The following MLF1 variants were observed in gnomAD, a reference collection of about 807,000 sequenced individuals.
MLF1 encodes myeloid leukemia factor 1.
In MLF1, 37 loss-of-function variants were observed where a neutral mutation model predicts 38.3. The ratio of observed to expected loss-of-function variants is 0.96; its 90% CI spans 0.74 to 1.27. The LOEUF (loss-of-function observed/expected upper bound fraction) is 1.27, where lower values mean the gene tolerates loss of function less well. Among genes scored for constraint, MLF1 ranks in the 50% most tolerant of loss-of-function variants. The pLI is 0.00. For synonymous variants in MLF1, 95 were observed against 106.5 expected (o/e 0.89, Z 0.66); for missense variants, 331 against 349.2 (o/e 0.95, Z 0.42).
chr3:158,587,812 A>G (rs1717461774), intron 1 of MLF1, among the ~76,000 whole-genome samples: 1 of 152,196 alleles, frequency 6.6e-6, no homozygotes, highest in South Asian at 2.1e-4. Context: ...CATCCTGGCT[A>G]ACACAGTGAA....
intron 6 of MLF1, among the ~76,000 whole-genome samples, chr3:158,601,652 G>T (rs1719773026): frequency 6.6e-6 from 1 of 151,930 alleles, no homozygotes; most frequent in Non-Finnish European, 1.5e-5. Flanking sequence ...AGCTACTTGG[G>T]AGGCTGAGAC....
chr3:158,577,763 G>A (rs1200457541), intron 1 of MLF1, among the ~76,000 whole-genome samples: 2 of 152,114 alleles, frequency 1.3e-5, no homozygotes, highest in East Asian at 1.9e-4. Flanking sequence ...TGGTTGCTGG[G>A]TCAAAAATGC....
At chr3:158,604,868 A>T (rs750415433) in intron 7 of MLF1, among the ~76,000 whole-genome samples, 10 of 152,172 alleles carry the variant, frequency 6.6e-5, no homozygotes, top group Non-Finnish European at 1.3e-4. Context: ...CATGTTGGCC[A>T]GGATGGTCTC....
chr3:158,598,340 G>A (rs1193764419), intron 5 of MLF1, 132 bp downstream of exon 5: 7 of 867,272 alleles, frequency 8.1e-6, no homozygotes, highest in Non-Finnish European at 1.2e-5. Context: ...GTGGGGGTTG[G>A]GGGTAAGGTA....
At chr3:158,575,626 C>T (rs151331868) in intron 1 of MLF1, among the ~76,000 whole-genome samples, 5 of 152,248 alleles carry the variant, frequency 3.3e-5, no homozygotes, top group African/African-American at 7.2e-5. Flanking sequence ...ATAGCTCATG[C>T]CCACTCTCTT....
At chr3:158,587,687 C>G (rs1158558294) in intron 1 of MLF1, among the ~76,000 whole-genome samples, 1 of 152,286 alleles carries the variant, frequency 6.6e-6, no homozygotes, top group Admixed American at 6.5e-5. Context: ...AGATGTCACT[C>G]CCAAAATTAC....
rs541094538 is a variant in MLF1, at chr3:158,571,222, A to G, written c.-79A>G. 133 of 1,176,030 alleles carry G rather than the reference A, an allele frequency of 1.1e-4. 1 individual carries two copies. The Admixed American group carries it at 1.3e-3, about 11-fold the overall frequency. 72.8% of individuals were successfully genotyped at this position (1,176,030 alleles called of 1,614,324 possible). A position where few individuals can be genotyped will look rare whatever the true frequency, so the allele number is the denominator to read the frequency against. ...TGAGGCGTCGTCCGTACTGGAGGCTAGCTCTTGTCGCGGCCGCGGCGAGTT... is the reference window on the plus strand; with the variant it reads ...TGAGGCGTCGTCCGTACTGGAGGCTGGCTCTTGTCGCGGCCGCGGCGAGTT... On this transcript the variant is annotated 5_prime_UTR_variant, in exon 1 of 8. Coordinates refer to ENST00000466246, the MANE Select transcript of MLF1 (RefSeq NM_001369783.1).
Position 158,585,702 on chromosome 3 carries a change from A to G in MLF1, c.48-6732A>G, listed in dbSNP as rs1717146351. On this transcript the variant is annotated intron_variant, in intron 1 of 7. Transcript: ENST00000466246. ...AAATTGAGTCAAGGAATTTCTTCCA[A>G]CATTCAACACAGAATCACAGAGGAT... Among the ~76,000 whole-genome samples, 4 of 152,374 alleles carry G rather than the reference A, an allele frequency of 2.6e-5. No individual in the cohort carries two copies. In the East Asian group the frequency reaches 5.8e-4, roughly 22 times the overall value.
intron 1 of MLF1, among the ~76,000 whole-genome samples, chr3:158,577,048 G>C (rs1388879720): frequency 3.3e-5 from 5 of 152,086 alleles, no homozygotes; most frequent in African/African-American, 1.2e-4. Context: ...TCATATATCT[G>C]ATGACCAGTA....
Position 158,605,110 on chromosome 3 carries a change from C to A in MLF1, c.760C>A (p.Gln254Lys). 6.2e-7 allele frequency: 1 copy of A among 1,612,564 alleles called. No individual in the cohort carries two copies. Among genetic ancestry groups the A allele is most frequent in the Non-Finnish European group, 8.5e-7 (1 of 1,179,096 alleles). Residue 254 changes from glutamine (Q) to lysine (K), a missense_variant, in exon 8 of 8, where the codon CAA becomes AAA. By Grantham distance (53) the Gln-to-Lys change is moderately conservative. Transcript: ENST00000466246. ...TATATTTCTCAGGGAGAAACCTCAA[C>A]AAAGTCCAGCCATTGAACATGGAAG... ...RELKRREKPQQSPAIEHGRRS... is the reference protein window; with the variant it reads ...RELKRREKPQKSPAIEHGRRS...
intron 1 of MLF1, among the ~76,000 whole-genome samples, chr3:158,579,900 GAGCTGTA>G (rs1302996596): frequency 6.6e-6 from 1 of 152,078 alleles, no homozygotes; most frequent in Non-Finnish European, 1.5e-5. Flanking sequence ...AGTGAGTTTG[GAGCTGTA>G]AGCAAAAGGA....
At chr3:158,586,323 T>G (rs1333911878) in intron 1 of MLF1, among the ~76,000 whole-genome samples, 2 of 151,994 alleles carry the variant, frequency 1.3e-5, no homozygotes, top group Non-Finnish European at 2.9e-5. Flanking sequence ...TTAGAAAGAA[T>G]GAGAACCAGA....
intron 1 of MLF1, chr3:158,591,086 T>C (rs2566339): frequency 0.89 from 457,699 of 512,234 alleles, 205,032 homozygotes; most frequent in East Asian, 1. Context: ...CTTGGACTTA[T>C]GAGCAGAAGA....
intron 1 of MLF1, chr3:158,573,374 G>A (rs1481063346): frequency 7.5e-6 from 1 of 133,266 alleles, no homozygotes; most frequent in African/African-American, 2.8e-5. Flanking sequence ...GGGGCGGGGC[G>A]GGGGGAGGGG....
rs368107623 is a variant in MLF1 at position 158,592,459 on chromosome 3, A to G, written c.73A>G (p.Asn25Asp). ...FSESILAHRENMRQMIRSFSE... is the reference protein window; with the variant it reads ...FSESILAHREDMRQMIRSFSE... ...TGAGTCCATTCTTGCACACCGAGAA[A>G]ATATGCGACAGATGATAAGAAGTTT... is the stretch of plus-strand genomic sequence containing the variant. The change falls in exon 2 of 8, where the codon AAT (asparagine) becomes GAT (aspartate). Residue 25 changes from asparagine to aspartate, a missense_variant. Physicochemically the swap from Asn to Asp is conservative, Grantham distance 23. Coordinates refer to ENST00000466246, the MANE Select transcript of MLF1 (RefSeq NM_001369783.1). The G allele has an allele frequency of 1.5e-5, 24 of 1,609,084 alleles. No homozygotes were observed. Among genetic ancestry groups the G allele is most frequent in the Non-Finnish European group, 1.9e-5 (22 of 1,178,520 alleles).
In MLF1 at chr3:158,571,339, C is replaced by T. The variant is rs1560090602; in HGVS notation, c.39C>T (p.Pro13=). The change falls in exon 1 of 8, where the codon CCC becomes CCT. Residue 13 remains proline (P), a synonymous_variant. Coordinates refer to ENST00000466246, the MANE Select transcript of MLF1 (RefSeq NM_001369783.1). ...TGAACAGCAGTTTTGAGGATGACCC[C>T]TTCTTCTCGTGAGTTACGGGAGCCA... The part of the protein sequence containing the change: ...RMLNSSFEDD[P]FFSESILAHR... 2 of 1,613,130 alleles carry T rather than the reference C, an allele frequency of 1.2e-6. No individual in the cohort carries two copies. Among genetic ancestry groups the T allele is most frequent in the African/African-American group, 2.7e-5 (2 of 75,016 alleles).
In MLF1 at chr3:158,596,357, A is replaced by G. The variant is rs114922436; in HGVS notation, c.241-505A>G. On this transcript the variant is annotated intron_variant, in intron 3 of 7. Transcript: ENST00000466246. The stretch of plus-strand genomic sequence containing the variant: ...TGATTTCTGTCACCCAGATCCTACT[A>G]TGATGAGAGGAAGGCTGGCTACTTA... Among the ~76,000 whole-genome samples, 586 of 152,176 alleles carry G rather than the reference A, an allele frequency of 3.9e-3. 2 individuals are homozygous for G. The highest frequency in any genetic ancestry group is 0.014 in the African/African-American group (566 of 41,544).
At chr3:158,583,514 C>G (rs2108581785) in intron 1 of MLF1, among the ~76,000 whole-genome samples, 1 of 152,198 alleles carries the variant, frequency 6.6e-6, no homozygotes, top group Admixed American at 6.5e-5. Flanking sequence ...TCTATTCGCT[C>G]TTATAATTAA....
chr3:158,601,071 T>C (rs1304182011), intron 6 of MLF1, among the ~76,000 whole-genome samples: 1 of 152,096 alleles, frequency 6.6e-6, no homozygotes, highest in African/African-American at 2.4e-5. Flanking sequence ...ATTCATCTCC[T>C]AGTTTCAGAA....
Sources: allele counts gnomAD v4.1 joint callset (sites outside exome capture counted in the v4.1 genomes callset), GRCh38; gene constraint gnomAD v4.1.1; transcripts MANE v1.5; gene names NCBI Gene and HGNC (gene_info 2026-07-23, HGNC 2026-07-21).